The following KIFC2 variants were observed in gnomAD, a reference collection of about 807,000 sequenced individuals.
KIFC2 encodes kinesin family member C2, also known as kinesin-like protein KIFC2.
Under a neutral mutation model 91.5 loss-of-function variants are expected in KIFC2, and 94 were observed. The ratio of observed to expected loss-of-function variants is 1.03; its 90% CI spans 0.87 to 1.22. The LOEUF is 1.22. Among genes scored for constraint, KIFC2 ranks in the 50% most tolerant of loss-of-function variants. The pLI is 0.00. For synonymous variants in KIFC2, 729 were observed against 503.9 expected, an observed-to-expected ratio of 1.45 and a Z score of -5.98; for missense variants, 1,357 against 1,103.3, an observed-to-expected ratio of 1.23 and a Z score of -3.26.
Position 144,472,006 on chromosome 8 carries a change from C to T in KIFC2, c.1445C>T (p.Thr482Ile), listed in dbSNP as rs1824946261. ...CGAGGCTACAGCGTCTGCATCTTCACCTATGGCCAGACAGGCACCGGGAAG... is the reference window on the plus strand; with the variant it reads ...CGAGGCTACAGCGTCTGCATCTTCATCTATGGCCAGACAGGCACCGGGAAG... Reference protein sequence around the residue: ...CLRGYSVCIFTYGQTGTGKTY... With the variant: ...CLRGYSVCIFIYGQTGTGKTY... Residue 482 changes from threonine (T) to isoleucine (I), a missense_variant, in exon 13 of 18, where the codon ACC becomes ATC. Physicochemically the swap from Thr to Ile is moderately conservative, Grantham distance 89. Coordinates refer to ENST00000645548, the MANE Select transcript of KIFC2 (RefSeq NM_001369769.2). 3.1e-6 allele frequency: 5 copies of T among 1,613,564 alleles called. No homozygotes were observed. Among genetic ancestry groups the T allele is most frequent in the African/African-American group, 1.3e-5 (1 of 75,064 alleles).
chr8:144,473,139 C>T lies in KIFC2; in HGVS notation c.2126C>T (p.Thr709Met), dbSNP rs1231079543. The T allele has an allele frequency of 6.4e-7, 1 of 1,561,118 alleles. No individual in the cohort carries two copies. Among genetic ancestry groups the T allele is most frequent in the South Asian group, 1.2e-5 (1 of 84,818 alleles). ...TTAVLLLQIS[T>M]RPEDLGETVC... ...CGCGCCTCTTGCCCGCAGATCTCCA[C>T]GCGGCCGGAGGATCTCGGGGAGACA... Residue 709 changes from threonine to methionine, a missense_variant, in exon 18 of 18, where the codon ACG (threonine) becomes ATG (methionine). By Grantham distance (81) the Thr-to-Met change is moderately conservative. Coordinates refer to ENST00000645548, the MANE Select transcript of KIFC2 (RefSeq NM_001369769.2).
chr8:144,472,512 C>A (rs752786834), intron 15 of KIFC2, 28 bp downstream of exon 15: 1 of 1,611,308 alleles, frequency 6.2e-7, no homozygotes, highest in African/African-American at 1.3e-5. Context: ...TCCGAGACCC[C>A]GCCCCGTGCT....
Position 144,468,717 on chromosome 8 carries a change from C to T in KIFC2, c.1004-8C>T, listed in dbSNP as rs755447657. 2.5e-6 allele frequency: 4 copies of T among 1,613,850 alleles called. No homozygotes were observed. Among genetic ancestry groups the T allele is most frequent in the African/African-American group, 2.7e-5 (2 of 74,928 alleles). On this transcript the variant is annotated splice_region_variant and splice_polypyrimidine_tract_variant and intron_variant, in intron 9 of 17. Transcript: ENST00000645548. ...GGGCCTTCCCTTCCAACAGACTTCC[C>T]TCTCCAGGACTTCGGGCACGGATGG... is the stretch of plus-strand genomic sequence containing the variant.
Position 144,467,640 on chromosome 8 carries a change from C to T in KIFC2, c.615+10C>T, listed in dbSNP as rs773458264. 6 of 1,601,358 alleles carry T rather than the reference C, an allele frequency of 3.7e-6. No homozygotes were observed. Among genetic ancestry groups the T allele is most frequent in the Non-Finnish European group, 4.3e-6 (5 of 1,172,872 alleles). ...GCTCATCCTGGGACAGGTGAGGTCC[C>T]TGGAGCCAGAAGGGATTGCCGGCTG... On this transcript the variant is annotated intron_variant, in intron 5 of 17. Coordinates refer to ENST00000645548, the MANE Select transcript of KIFC2 (RefSeq NM_001369769.2).
chr8:144,469,276 C>T lies in KIFC2; in HGVS notation c.1119C>T (p.Ser373=), dbSNP rs1359617023. Residue 373 remains serine (S), a synonymous_variant, in exon 11 of 18, where the codon TCC becomes TCT. Transcript: ENST00000645548. The stretch of plus-strand genomic sequence containing the variant: ...GTACATCCCTGTTCCCTCAGGTGTC[C>T]TGGGCCTTGGGGGCACTGTCATCTG... ...GSLSEARGQV[S]WALGALSSGG... The T allele has an allele frequency of 5.0e-6, 8 of 1,594,602 alleles. No individual in the cohort carries two copies. The highest frequency in any genetic ancestry group is 6.0e-6 in the Non-Finnish European group (7 of 1,172,834).
intron 12 of KIFC2, 76 bp from the exon 13 acceptor site, chr8:144,471,866 A>G: frequency 7.4e-7 from 1 of 1,349,140 alleles, no homozygotes; most frequent in South Asian, 1.2e-5. Flanking sequence ...CCTTCGTGGC[A>G]CTCCCCACCC....
At position 144,467,695 on chromosome 8, in the gene KIFC2, C is replaced by T. The variant is rs1232585261; in HGVS notation, c.616-19C>T. On this transcript the variant is annotated intron_variant, in intron 5 of 17. Coordinates refer to ENST00000645548, the MANE Select transcript of KIFC2 (RefSeq NM_001369769.2). ...GCCAGAAAAAGGAGGTCCACCCTGTCTCTCTTACTTCTCCCCAGCTGGAGG... is the reference window on the plus strand; with the variant it reads ...GCCAGAAAAAGGAGGTCCACCCTGTTTCTCTTACTTCTCCCCAGCTGGAGG... 9 of 1,613,252 alleles carry T rather than the reference C, an allele frequency of 5.6e-6. No homozygotes were observed. Among genetic ancestry groups the T allele is most frequent in the South Asian group, 2.2e-5 (2 of 91,022 alleles).
intron 7 of KIFC2, 101 bp downstream of exon 7, chr8:144,468,088 G>A: frequency 7.1e-7 from 1 of 1,399,300 alleles, no homozygotes; most frequent in Non-Finnish European, 9.4e-7. Context: ...TCCCGGGATG[G>A]TCTGTGTAGG....
chr8:144,473,863 C>T lies in KIFC2; in HGVS notation c.*474C>T. On this transcript the variant is annotated 3_prime_UTR_variant, in exon 18 of 18. Transcript: ENST00000645548. ...TCCAGACAGATGAGAGAGGGCAGGA[C>T]TTCAGGCTGGATCCACCACTGGGCT... is the stretch of plus-strand genomic sequence containing the variant. 1 of 397,662 alleles carries T rather than the reference C, an allele frequency of 2.5e-6. No homozygotes were observed. Among genetic ancestry groups the T allele is most frequent in the Non-Finnish European group, 4.5e-6 (1 of 221,410 alleles). The allele number at this position is 397,662 out of a possible 1,614,324, so 24.6% of individuals were successfully genotyped here. A position where few individuals can be genotyped will look rare whatever the true frequency, so the allele number is the denominator to read the frequency against.
In KIFC2 at chr8:144,467,149, G is replaced by C. The variant is rs760720082; in HGVS notation, c.330+39G>C. On this transcript the variant is annotated intron_variant, in intron 3 of 17. Transcript: ENST00000645548. ...AGGGGGCTGCTGGCAGGTACCACCTGCCCCGGCCTTCCTGGCTTTCACAGC... is the reference window on the plus strand; with the variant it reads ...AGGGGGCTGCTGGCAGGTACCACCTCCCCCGGCCTTCCTGGCTTTCACAGC... The C allele has an allele frequency of 3.1e-6, 5 of 1,612,234 alleles. No individual in the cohort carries two copies. In the South Asian group the frequency reaches 5.5e-5, roughly 18 times the overall value.
Position 144,467,286 on chromosome 8 carries a change from G to C in KIFC2, c.414G>C (p.Gln138His). ...GGCTTCGAAGCCCCAGGGGGAGGCA[G>C]GCCCTGCTCCAGGGGACTCAGCCAG... ...LAWLRSPRGRQALLQGTQPAP... is the reference protein window; with the variant it reads ...LAWLRSPRGRHALLQGTQPAP... The change falls in exon 4 of 18, where the codon CAG becomes CAC. Residue 138 changes from glutamine (Q) to histidine (H), a missense_variant. Gln to His is a conservative substitution (Grantham distance 24). Transcript: ENST00000645548. The C allele has an allele frequency of 6.2e-7, 1 of 1,613,348 alleles. No individual in the cohort carries two copies. The highest frequency in any genetic ancestry group is 8.5e-7 in the Non-Finnish European group (1 of 1,179,966).
Position 144,472,999 on chromosome 8 carries a change from G to T in KIFC2, c.2066G>T (p.Arg689Leu). 1 of 1,434,994 alleles carries T rather than the reference G, an allele frequency of 7.0e-7. No homozygotes were observed. Among genetic ancestry groups the T allele is most frequent in the Non-Finnish European group, 9.1e-7 (1 of 1,102,146 alleles). The allele number at this position is 1,434,994 out of a possible 1,614,324, so 88.9% of individuals were successfully genotyped here. Reference protein sequence around the residue: ...HVPFRDSQLTRLLQPALGPGT... With the variant: ...HVPFRDSQLTLLLQPALGPGT... ...CCCTTCCGCGACTCGCAGCTCACGC[G>T]ACTGCTGCAGCCGGCGCTGGGCCCA... The change falls in exon 17 of 18, where the codon CGA becomes CTA. Residue 689 changes from arginine (R) to leucine (L), a missense_variant. By Grantham distance (102) the Arg-to-Leu change is moderately radical. Coordinates refer to ENST00000645548, the MANE Select transcript of KIFC2 (RefSeq NM_001369769.2).
At position 144,469,586 on chromosome 8, in the gene KIFC2, G is replaced by A. The variant is rs201694783; in HGVS notation, c.1319G>A (p.Arg440Gln). The change falls in exon 12 of 18, where the codon CGG (arginine) becomes CAG (glutamine). Residue 440 changes from arginine to glutamine, a missense_variant. Physicochemically the swap from Arg to Gln is conservative, Grantham distance 43 (BLOSUM62 1). Coordinates refer to ENST00000645548, the MANE Select transcript of KIFC2 (RefSeq NM_001369769.2). ...GPGGTVTTCYRGRHRRFRLDW... is the reference protein window; with the variant it reads ...GPGGTVTTCYQGRHRRFRLDW... Reference sequence around the variant, plus strand: ...GGGGGCACCGTCACCACCTGCTACCGGGGGCGCCATCGTCGATTCCGCCTA... The same window carrying A: ...GGGGGCACCGTCACCACCTGCTACCAGGGGCGCCATCGTCGATTCCGCCTA... The A allele has an allele frequency of 8.7e-6, 14 of 1,612,412 alleles. No individual in the cohort carries two copies. The highest frequency in any genetic ancestry group is 5.3e-5 in the African/African-American group (4 of 75,052).
chr8:144,466,393 C>G lies in KIFC2; in HGVS notation c.-27C>G, dbSNP rs1242863580. 4.2e-5 allele frequency: 45 copies of G among 1,061,760 alleles called. No homozygotes were observed. The highest frequency in any genetic ancestry group is 5.0e-5 in the Non-Finnish European group (41 of 820,658). 65.8% of individuals were successfully genotyped at this position (1,061,760 alleles called of 1,614,324 possible). A position where few individuals can be genotyped will look rare whatever the true frequency, so the allele number is the denominator to read the frequency against. Reference sequence around the variant, plus strand: ...CGCGGGGACGCGGGGCGGCGCGAAGCGGGGCCCTCTGCCGCCCCGCGCTCC... The same window carrying G: ...CGCGGGGACGCGGGGCGGCGCGAAGGGGGGCCCTCTGCCGCCCCGCGCTCC... On this transcript the variant is annotated 5_prime_UTR_variant, in exon 1 of 18. Coordinates refer to ENST00000645548, the MANE Select transcript of KIFC2 (RefSeq NM_001369769.2).
rs370660577 is a variant in KIFC2, at chr8:144,467,244, C to T, written c.372C>T (p.Leu124=). Residue 124 remains leucine (L), a synonymous_variant, in exon 4 of 18, where the codon CTC becomes CTT. Transcript: ENST00000645548. ...VPSLLTVTSQ[L]LALLAWLRSP... ...CACTGTTGACAGTGACCAGTCAGCTCTTGGCCCTTCTGGCATGGCTTCGAA... is the reference window on the plus strand; with the variant it reads ...CACTGTTGACAGTGACCAGTCAGCTTTTGGCCCTTCTGGCATGGCTTCGAA... 58 of 1,613,540 alleles carry T rather than the reference C, an allele frequency of 3.6e-5. No homozygotes were observed. The African/African-American group carries it at 5.1e-4, about 14-fold the overall frequency.
In KIFC2 at chr8:144,469,583, A is replaced by T; in HGVS notation, c.1316A>T (p.Tyr439Phe). The change falls in exon 12 of 18, where the codon TAC becomes TTC. Residue 439 changes from tyrosine (Y) to phenylalanine (F), a missense_variant. Coordinates refer to ENST00000645548, the MANE Select transcript of KIFC2 (RefSeq NM_001369769.2). Reference protein sequence around the residue: ...PGPGGTVTTCYRGRHRRFRLD... With the variant: ...PGPGGTVTTCFRGRHRRFRLD... ...CCAGGGGGCACCGTCACCACCTGCTACCGGGGGCGCCATCGTCGATTCCGC... is the reference window on the plus strand; with the variant it reads ...CCAGGGGGCACCGTCACCACCTGCTTCCGGGGGCGCCATCGTCGATTCCGC... 2 of 1,613,092 alleles carry T rather than the reference A, an allele frequency of 1.2e-6. No individual in the cohort carries two copies. The highest frequency in any genetic ancestry group is 1.7e-6 in the Non-Finnish European group (2 of 1,179,784).
In KIFC2 at chr8:144,472,659, C is replaced by T. The variant is rs1475478655; in HGVS notation, c.1814C>T (p.Thr605Met). The T allele has an allele frequency of 1.3e-6, 2 of 1,598,334 alleles. No individual in the cohort carries two copies. The highest frequency in any genetic ancestry group is 4.5e-5 in the East Asian group (2 of 44,806). Residue 605 changes from threonine (T) to methionine (M), a missense_variant, in exon 16 of 18, where the codon ACG (threonine) becomes ATG (methionine). Thr to Met is a moderately conservative substitution (Grantham distance 81). Coordinates refer to ENST00000645548, the MANE Select transcript of KIFC2 (RefSeq NM_001369769.2). ...AGCTCCCGCTCGCATGCCCTGGTCA[C>T]GCTGACGCTGCGCGCGGCGTCTCCA... ...QRSSRSHALV[T>M]LTLRAASPPR...
chr8:144,466,822 G>C lies in KIFC2; in HGVS notation c.162G>C (p.Glu54Asp). ...PDLPAPELWT[E>D]LTGLAASSEP... ...TGCCCGCGCCAGAGCTGTGGACCGA[G>C]CTGACCGGCCTGGCCGGTAGGTGCG... Residue 54 changes from glutamate to aspartate, a missense_variant, in exon 2 of 18, where the codon GAG (glutamate) becomes GAC (aspartate). Physicochemically the swap from Glu to Asp is conservative, Grantham distance 45. Transcript: ENST00000645548. 6.5e-7 allele frequency: 1 copy of C among 1,537,528 alleles called. No individual in the cohort carries two copies. Among genetic ancestry groups the C allele is most frequent in the Non-Finnish European group, 8.7e-7 (1 of 1,148,756 alleles).
Position 144,468,123 on chromosome 8 carries a change from C to T in KIFC2, c.810+136C>T. On this transcript the variant is annotated intron_variant, in intron 7 of 17. Transcript: ENST00000645548. ...GGCAGCCCCATCAGGGAGGCTGATG[C>T]CAATGGGAAGACCCCCCTCTCCGTG... 6.6e-6 allele frequency: 8 copies of T among 1,214,448 alleles called. No homozygotes were observed. The South Asian group carries it at 1.1e-4, about 17-fold the overall frequency. 75.2% of individuals were successfully genotyped at this position (1,214,448 alleles called of 1,614,324 possible). A position where few individuals can be genotyped will look rare whatever the true frequency, so the allele number is the denominator to read the frequency against.
Sources: gnomAD v4.1 joint callset for allele counts on GRCh38, gnomAD v4.1.1 for gene constraint, MANE v1.5 for transcripts, NCBI Gene and HGNC (gene_info 2026-07-23, HGNC 2026-07-21) for gene names.